Variants in TMTC2 observed in about 807,000 individuals in gnomAD.
TMTC2 encodes the protein transmembrane O-mannosyltransferase targeting cadherins 2.
TMTC2 carries 43 observed loss-of-function variants against 82.4 expected under a neutral mutation model. The observed-to-expected ratio is 0.52, with a 90% confidence interval of 0.41 to 0.67. TMTC2 has a LOEUF of 0.67. Ranked by LOEUF, TMTC2 falls within the 30% of genes least tolerant of loss-of-function variation. The probability of loss-of-function intolerance (pLI) is 0.00; values close to 1 mark genes in which losing one functional copy is unlikely to be tolerated. For synonymous variants in TMTC2, 408 were observed against 381.9 expected, an observed-to-expected ratio of 1.07 and a Z score of -0.80; for missense variants, 919 against 1,012.4, an observed-to-expected ratio of 0.91 and a Z score of 1.25.
intron 11 of TMTC2, among the ~76,000 whole-genome samples, chr12:83,112,234 A>G (rs926695730): frequency 6.6e-6 from 1 of 152,152 alleles, no homozygotes; most frequent in Non-Finnish European, 1.5e-5. Flanking sequence ...GAGGTACCTC[A>G]ATGTATCAAT....
intron 8 of TMTC2, among the ~76,000 whole-genome samples, chr12:82,999,189 A>G (rs1477237890): frequency 6.6e-6 from 1 of 152,086 alleles, no homozygotes; most frequent in Admixed American, 6.6e-5. Flanking sequence ...ACAGTTTCTC[A>G]GACTTATTTT....
At chr12:82,774,085 G>T (rs1877456441) in intron 1 of TMTC2, among the ~76,000 whole-genome samples, 1 of 152,052 alleles carries the variant, frequency 6.6e-6, no homozygotes, top group East Asian at 1.9e-4. Context: ...GAAGAACAAT[G>T]AAGAGAAATA....
At chr12:82,734,263 T>C (rs1166335010) in intron 1 of TMTC2, among the ~76,000 whole-genome samples, 3 of 152,210 alleles carry the variant, frequency 2.0e-5, no homozygotes, top group African/African-American at 4.8e-5. Flanking sequence ...CAGGGTCTAA[T>C]AGGGCTAAAG....
chr12:82,706,622 T>G (rs11115353), intron 1 of TMTC2, among the ~76,000 whole-genome samples: 18,012 of 152,206 alleles, frequency 0.12, 1,158 homozygotes, highest in East Asian at 0.23. Flanking sequence ...AGGATTTGTA[T>G]TGCCAGTGGT....
chr12:83,098,683 T>C (rs1407494187), intron 11 of TMTC2, among the ~76,000 whole-genome samples: 6 of 152,234 alleles, frequency 3.9e-5, no homozygotes, highest in Non-Finnish European at 8.8e-5. Flanking sequence ...AGATGAGCTC[T>C]TAAGCAAGCT....
chr12:82,990,729 T>TA (rs757541108), intron 8 of TMTC2, among the ~76,000 whole-genome samples: 2 of 152,144 alleles, frequency 1.3e-5, no homozygotes, highest in Non-Finnish European at 2.9e-5. Flanking sequence ...ATGTATTAGT[T>TA]ACTATCCCTG....
At chr12:82,969,941 T>C (rs1878376604) in intron 7 of TMTC2, among the ~76,000 whole-genome samples, 1 of 152,170 alleles carries the variant, frequency 6.6e-6, no homozygotes, top group Non-Finnish European at 1.5e-5. Flanking sequence ...CTTAGGTGCA[T>C]ATAATTAGGA....
At chr12:82,907,092 A>AT (rs957630488) in intron 3 of TMTC2, among the ~76,000 whole-genome samples, 9 of 152,350 alleles carry the variant, frequency 5.9e-5, no homozygotes, top group Admixed American at 5.2e-4. Context: ...CCCATTTTAA[A>AT]TATTTGATTC....
chr12:82,856,389 C>A (rs1285032134), intron 1 of TMTC2, among the ~76,000 whole-genome samples: 1 of 152,168 alleles, frequency 6.6e-6, no homozygotes, highest in Non-Finnish European at 1.5e-5. Flanking sequence ...CCTAGTCTTT[C>A]CAGTTATCTG....
intron 1 of TMTC2, among the ~76,000 whole-genome samples, chr12:82,765,212 G>A (rs990152615): frequency 6.6e-6 from 1 of 151,978 alleles, no homozygotes; most frequent in African/African-American, 2.4e-5. Context: ...ATGAGTTTGG[G>A]GGTCCCAAGA....
At chr12:82,712,010 C>T (rs1321750640) in intron 1 of TMTC2, among the ~76,000 whole-genome samples, 1 of 152,148 alleles carries the variant, frequency 6.6e-6, no homozygotes, top group Admixed American at 6.5e-5. Flanking sequence ...CTTCCCTTTT[C>T]CCTCCTCCTT....
chr12:82,745,180 C>A (rs2136958495), intron 1 of TMTC2, among the ~76,000 whole-genome samples: 1 of 152,042 alleles, frequency 6.6e-6, no homozygotes, highest in Non-Finnish European at 1.5e-5. Context: ...TTAATTTTTT[C>A]ATTCCTCAAG....
intron 11 of TMTC2, among the ~76,000 whole-genome samples, chr12:83,123,972 T>G (rs1885032557): frequency 6.6e-6 from 1 of 152,210 alleles, no homozygotes; most frequent in Non-Finnish European, 1.5e-5. Context: ...TAGTAGAATT[T>G]GTCTTCATGC....
At chr12:82,966,303 G>A (rs1878205459) in intron 6 of TMTC2, among the ~76,000 whole-genome samples, 2 of 152,154 alleles carry the variant, frequency 1.3e-5, no homozygotes, top group South Asian at 4.2e-4. Context: ...CAGTAAGTTA[G>A]GAGGTGACCC....
chr12:82,846,625 G>T (rs767955499), intron 1 of TMTC2, among the ~76,000 whole-genome samples: 5 of 152,090 alleles, frequency 3.3e-5, no homozygotes, highest in Non-Finnish European at 5.9e-5. Context: ...CTCGTAAAGG[G>T]ATGGAAGCGG....
chr12:82,928,699 T>C (rs1024513694), intron 3 of TMTC2, among the ~76,000 whole-genome samples: 2 of 152,210 alleles, frequency 1.3e-5, no homozygotes, highest in African/African-American at 4.8e-5. Context: ...TTACAAATTC[T>C]TTAGTGCCTC....
At chr12:83,096,937 TATC>T (rs1326192263) in intron 11 of TMTC2, among the ~76,000 whole-genome samples, 4 of 152,234 alleles carry the variant, frequency 2.6e-5, no homozygotes, top group African/African-American at 9.6e-5. Flanking sequence ...TCATAGTTCT[TATC>T]ATAATTAATC....
chr12:82,789,563 A>T (rs1262374746), intron 1 of TMTC2, among the ~76,000 whole-genome samples: 1 of 152,134 alleles, frequency 6.6e-6, no homozygotes, highest in Admixed American at 6.5e-5. Flanking sequence ...ATTATATAGA[A>T]ATATAGACTA....
At chr12:82,766,439 G>A (rs1352959078) in intron 1 of TMTC2, among the ~76,000 whole-genome samples, 2 of 152,126 alleles carry the variant, frequency 1.3e-5, no homozygotes, top group South Asian at 2.1e-4. Context: ...CCTTCCCAAA[G>A]CCTGGAAGAG....
Sources: gnomAD v4.1 joint callset for allele counts (sites outside exome capture counted in the v4.1 genomes callset) on GRCh38, gnomAD v4.1.1 for gene constraint, MANE v1.5 for transcripts, NCBI Gene and HGNC (gene_info 2026-07-23, HGNC 2026-07-21) for gene names.